SLC22A23: variants seen among roughly 807,000 people sequenced by gnomAD.
SLC22A23 encodes solute carrier family 22 member 23.
SLC22A23 carries 26 observed loss-of-function variants against 61.0 expected under a neutral mutation model. That is an observed-to-expected ratio of 0.43 (90% CI 0.31 to 0.59). The LOEUF (loss-of-function observed/expected upper bound fraction) is 0.59, where lower values mean the gene tolerates loss of function less well. Among genes scored for constraint, SLC22A23 ranks in the 20% least tolerant of loss-of-function variants. The pLI, the probability that SLC22A23 is intolerant of heterozygous loss-of-function variation, is 0.11. For missense variants in SLC22A23, 796 were observed against 934.7 expected, an observed-to-expected ratio of 0.85 and a Z score of 1.94; for synonymous variants, 430 against 413.9, an observed-to-expected ratio of 1.04 and a Z score of -0.47.
At chr6:3,277,167 G>A (rs1169125671) in intron 9 of SLC22A23, among the ~76,000 whole-genome samples, 2 of 152,174 alleles carry the variant, frequency 1.3e-5, no homozygotes, top group African/African-American at 2.4e-5. Flanking sequence ...AACCAGAGCT[G>A]GAGAGGTTCA....
At chr6:3,436,292 C>G (rs1300743204) in intron 1 of SLC22A23, among the ~76,000 whole-genome samples, 1 of 152,084 alleles carries the variant, frequency 6.6e-6, no homozygotes, top group Admixed American at 6.5e-5. Flanking sequence ...CCCGCCACCA[C>G]GTCCAGCTAT....
At chr6:3,273,591 C>T (rs1302587935) in intron 9 of SLC22A23, among the ~76,000 whole-genome samples, 179 bp from the exon 10 acceptor site, 1 of 152,250 alleles carries the variant, frequency 6.6e-6, no homozygotes, top group African/African-American at 2.4e-5. Flanking sequence ...CTGTACAAGG[C>T]CACTCTACGG....
Position 3,455,996 on chromosome 6 carries a change from A to T in SLC22A23, c.564T>A (p.Pro188=). Residue 188 remains proline, a synonymous_variant, in exon 1 of 10, where the codon CCT becomes CCA. Transcript: ENST00000406686. The stretch of plus-strand genomic sequence containing the variant: ...TGGAGGCGTTGTCCCCCTTGTCCGG[A>T]GGGGATGGCAGGGGTGGTGTGTCGC... The part of the protein sequence containing the change: ...DGGDTPPLPS[P]PDKGDNASNC... 6.5e-7 allele frequency: 1 copy of T among 1,546,756 alleles called. No homozygotes were observed. Among genetic ancestry groups the T allele is most frequent in the Non-Finnish European group, 8.7e-7 (1 of 1,146,678 alleles).
Position 3,289,822 on chromosome 6 carries a change from C to T in SLC22A23, c.1255G>A (p.Val419Met), listed in dbSNP as rs768978485. ...AGGTTCCGTGTCCCCACCACCTTCA[C>T]GATGCAGACCTTCTTGGGCCTCCGG... is the stretch of plus-strand genomic sequence containing the variant. ...LSRRPKKVCI[V>M]KVVGTRNLWK... Residue 419 changes from valine (V) to methionine (M), a missense_variant, in exon 6 of 10, where the codon GTG (valine) becomes ATG (methionine). By Grantham distance (21) the Val-to-Met change is conservative (BLOSUM62 1). Transcript: ENST00000406686. 8 of 1,613,936 alleles carry T rather than the reference C, an allele frequency of 5.0e-6. No homozygotes were observed. The highest frequency in any genetic ancestry group is 4.5e-5 in the East Asian group (2 of 44,896).
At chr6:3,422,655 G>A (rs569076441) in intron 1 of SLC22A23, among the ~76,000 whole-genome samples, 3 of 152,128 alleles carry the variant, frequency 2.0e-5, no homozygotes, top group Non-Finnish European at 4.4e-5. Context: ...AGTTGGCATT[G>A]GTGCAAGCTT....
At position 3,427,377 on chromosome 6, in the gene SLC22A23, ATTAC is replaced by A. The variant is rs75857237; in HGVS notation, c.655-11526_655-11523del. 0.16 allele frequency among the ~76,000 whole-genome samples: 23,874 copies of A among 152,026 alleles called. 2,421 individuals are homozygous for A. Among genetic ancestry groups the A allele is most frequent in the East Asian group, 0.35 (1,805 of 5,138 alleles). On this transcript the variant is annotated intron_variant, in intron 1 of 9. Transcript: ENST00000406686. This position sits in a 1 kb window ranked among gnomAD's most constrained non-coding sequence, Gnocchi z 4.3. ...TAAAACTACTTCAAAAAGGGTTTTG[ATTAC>A]TTAGAGTCTGAGCTATTCATTTTAG...
rs2127271559 is a variant in SLC22A23 at position 3,270,087 on chromosome 6, T to A, written c.*2968A>T. ...TCAGAAAAAGAACAAAGTGAAGAAA[T>A]GTTCAGCTCCATCTCAGGTGTTCAC... On this transcript the variant is annotated 3_prime_UTR_variant, in exon 10 of 10. Transcript: ENST00000406686. The A allele has an allele frequency of 6.6e-6, 1 of 152,518 alleles. No individual in the cohort carries two copies. Among genetic ancestry groups the A allele is most frequent in the South Asian group, 2.1e-4 (1 of 4,826 alleles). The allele number at this position is 152,518 out of a possible 1,614,324, so 9.4% of individuals were successfully genotyped here. A position where few individuals can be genotyped will look rare whatever the true frequency, so the allele number is the denominator to read the frequency against.
At position 3,456,464 on chromosome 6, in the gene SLC22A23, C is replaced by T; in HGVS notation, c.96G>A (p.Ala32=). The T allele has an allele frequency of 1.8e-5, 22 of 1,200,820 alleles. No homozygotes were observed. Among genetic ancestry groups the T allele is most frequent in the Non-Finnish European group, 2.3e-5 (22 of 970,702 alleles). The allele number at this position is 1,200,820 out of a possible 1,614,324, so 74.4% of individuals were successfully genotyped here. A position where few individuals can be genotyped will look rare whatever the true frequency, so the allele number is the denominator to read the frequency against. The change falls in exon 1 of 10, where the codon GCG becomes GCA. Residue 32 remains alanine, a synonymous_variant. Transcript: ENST00000406686. This position sits in a 1 kb window ranked among gnomAD's most constrained non-coding sequence, Gnocchi z 7.1. ...EENGSLPPGD[A]AASAPLGGRA... Reference sequence around the variant, plus strand: ...GTCCCCCGAGGGGCGCCGAGGCCGCCGCGTCCCCGGGCGGCAGGGAGCCGT... The same window carrying T: ...GTCCCCCGAGGGGCGCCGAGGCCGCTGCGTCCCCGGGCGGCAGGGAGCCGT...
chr6:3,387,235 G>A lies in SLC22A23; in HGVS notation c.913+22953C>T. Among the ~76,000 whole-genome samples the A allele has an allele frequency of 6.6e-6, 1 of 152,220 alleles. No homozygotes were observed. Among genetic ancestry groups the A allele is most frequent in the East Asian group, 1.9e-4 (1 of 5,192 alleles). ...AAGCCTGGCAGACCCCATCTCAACT[G>A]AGGAAGGTTAGCGTGACCAGTGACA... On this transcript the variant is annotated intron_variant, in intron 3 of 9. Transcript: ENST00000406686. The surrounding 1 kb of genome is among the most constrained non-coding windows in gnomAD (Gnocchi z 5.0).
At chr6:3,376,107 C>A (rs920635577) in intron 3 of SLC22A23, among the ~76,000 whole-genome samples, 1 of 152,156 alleles carries the variant, frequency 6.6e-6, no homozygotes, top group Non-Finnish European at 1.5e-5. Context: ...TTTTATTAAA[C>A]AATTGTGCCA....
intron 4 of SLC22A23, among the ~76,000 whole-genome samples, chr6:3,321,332 G>A (rs887869110): frequency 1.3e-5 from 2 of 152,218 alleles, no homozygotes; most frequent in African/African-American, 2.4e-5. Flanking sequence ...AGCTGTAAGC[G>A]GGAAGCAGAG....
At chr6:3,275,565 G>C (rs1371132097) in intron 9 of SLC22A23, among the ~76,000 whole-genome samples, 5 of 152,178 alleles carry the variant, frequency 3.3e-5, no homozygotes, top group Non-Finnish European at 7.4e-5. Context: ...GCATATATCA[G>C]ATAAAGGACT....
chr6:3,287,237 A>G (rs1204410292), intron 6 of SLC22A23, 146 bp from the exon 7 acceptor site: 4 of 690,406 alleles, frequency 5.8e-6, no homozygotes, highest in Non-Finnish European at 7.4e-6. Flanking sequence ...CCGAACCACG[A>G]GCAGATTACA....
chr6:3,329,182 C>T lies in SLC22A23; in HGVS notation c.914-5180G>A, dbSNP rs746260403. ...CCCCACCTCCCTCATCCCCCACAAA[C>T]ACACACACCGATCTAACTGTTCATT... On this transcript the variant is annotated intron_variant, in intron 3 of 9. Coordinates refer to ENST00000406686, the MANE Select transcript of SLC22A23 (RefSeq NM_015482.2). This position sits in a 1 kb window ranked among gnomAD's most constrained non-coding sequence, Gnocchi z 4.8. Among the ~76,000 whole-genome samples the T allele has an allele frequency of 2.6e-5, 4 of 152,052 alleles. No individual in the cohort carries two copies. The highest frequency in any genetic ancestry group is 2.9e-5 in the Non-Finnish European group (2 of 68,018).
intron 3 of SLC22A23, among the ~76,000 whole-genome samples, chr6:3,406,031 G>A (rs1050401598): frequency 1.3e-5 from 2 of 152,038 alleles, no homozygotes; most frequent in Non-Finnish European, 2.9e-5. Context: ...CAAGAAAATT[G>A]TTCATTGTTG....
chr6:3,430,909 A>G (rs1024595730), intron 1 of SLC22A23, among the ~76,000 whole-genome samples: 5 of 152,128 alleles, frequency 3.3e-5, no homozygotes, highest in South Asian at 4.1e-4. Context: ...TCTACTAAAA[A>G]TACAAAATTA....
chr6:3,282,252 C>A (rs777705959), intron 9 of SLC22A23: 2 of 702,454 alleles, frequency 2.8e-6, no homozygotes, highest in African/African-American at 1.7e-5. Flanking sequence ...AGTGAGCCTG[C>A]GGTCGGCCTG....
chr6:3,451,296 G>A (rs573295798), intron 1 of SLC22A23, among the ~76,000 whole-genome samples: 83 of 152,326 alleles, frequency 5.4e-4, no homozygotes, highest in African/African-American at 1.8e-3. Context: ...TCCCAGGCTT[G>A]AGGGACTCTC....
At chr6:3,285,722 A>G (rs1759931159) in intron 7 of SLC22A23, among the ~76,000 whole-genome samples, 1 of 152,264 alleles carries the variant, frequency 6.6e-6, no homozygotes, top group East Asian at 1.9e-4. Context: ...TATAGATTGC[A>G]TAAGAACTGT....
Sources: allele counts gnomAD v4.1 joint callset (sites outside exome capture counted in the v4.1 genomes callset), GRCh38; gene constraint gnomAD v4.1.1; non-coding constraint Gnocchi (gnomAD v3.1); transcripts MANE v1.5; gene names NCBI Gene and HGNC (gene_info 2026-07-23, HGNC 2026-07-21).